The following SLC10A7 variants were observed in gnomAD, a reference collection of about 807,000 sequenced individuals.
SLC10A7 encodes the protein solute carrier family 10 member 7, also known as sodium/bile acid cotransporter 7.
A neutral mutation model predicts 43.2 loss-of-function variants in SLC10A7; 29 were observed. That is an observed-to-expected ratio of 0.67 (90% CI 0.50 to 0.92). SLC10A7 has a LOEUF of 0.92. SLC10A7 is among the 40% of genes least tolerant of loss of function. SLC10A7 has a pLI of 0.00. For missense variants in SLC10A7, 295 were observed against 403.2 expected (o/e 0.73, Z 2.30); for synonymous variants, 152 against 144.8 (o/e 1.05, Z -0.35).
intron 6 of SLC10A7, among the ~76,000 whole-genome samples, chr4:146,322,829 A>G (rs1390006929): frequency 1.3e-5 from 2 of 152,096 alleles, no homozygotes; most frequent in Non-Finnish European, 2.9e-5. Context: ...CTAGTTTACC[A>G]TCCCACCAAC....
intron 2 of SLC10A7, chr4:146,513,879 T>C (rs907651214): frequency 2.6e-5 from 4 of 152,232 alleles, no homozygotes; most frequent in African/African-American, 9.6e-5. Context: ...ATAAATGCCA[T>C]CATGAATAAT....
At chr4:146,483,065 G>T (rs1284048660) in intron 4 of SLC10A7, among the ~76,000 whole-genome samples, 1 of 152,140 alleles carries the variant, frequency 6.6e-6, no homozygotes, top group Non-Finnish European at 1.5e-5. Context: ...TTACCACTAG[G>T]CCTGTCTTAC....
At chr4:146,335,250 G>GAAAAAAAA (rs772547279) in intron 5 of SLC10A7, among the ~76,000 whole-genome samples, 1,052 of 70,478 alleles carry the variant, frequency 0.015, 46 homozygotes, top group Middle Eastern at 0.051. Context: ...CACAGATGTT[G>GAAAAAAAA]TAAAAAAAAA....
At chr4:146,290,666 C>A (rs1395870593) in intron 9 of SLC10A7, among the ~76,000 whole-genome samples, 1 of 152,034 alleles carries the variant, frequency 6.6e-6, no homozygotes, top group African/African-American at 2.4e-5. Flanking sequence ...TTAAGACCAG[C>A]CTGGGCAACA....
chr4:146,366,142 A>C (rs1736375609), intron 5 of SLC10A7, among the ~76,000 whole-genome samples: 1 of 152,218 alleles, frequency 6.6e-6, no homozygotes, highest in Non-Finnish European at 1.5e-5. Context: ...AAACCGGTCT[A>C]ACTGGTGCCA....
intron 4 of SLC10A7, among the ~76,000 whole-genome samples, chr4:146,456,474 T>C (rs1186302816): frequency 6.6e-6 from 1 of 151,972 alleles, no homozygotes; most frequent in East Asian, 1.9e-4. Context: ...GTCCACAGGC[T>C]ATCCACACTT....
intron 9 of SLC10A7, among the ~76,000 whole-genome samples, chr4:146,292,652 T>G (rs1458534616): frequency 1.3e-5 from 2 of 152,168 alleles, no homozygotes; most frequent in Non-Finnish European, 2.9e-5. Context: ...GGTTTGCACC[T>G]GAAAATCATC....
Position 146,398,925 on chromosome 4 carries a change from CG to C in SLC10A7, c.435+43857del, listed in dbSNP as rs1409757159. Among the ~76,000 whole-genome samples the C allele has an allele frequency of 7.2e-5, 11 of 152,202 alleles. No homozygotes were observed. In the East Asian group the frequency reaches 2.1e-3, roughly 29 times the overall value. On this transcript the variant is annotated intron_variant, in intron 5 of 11. Transcript: ENST00000335472. ...AGGCACTGTGTAAGCAGCAGGAGAA[CG>C]GGAGTGAAAAAGGCAGACAAGGACC...
intron 5 of SLC10A7, among the ~76,000 whole-genome samples, chr4:146,436,686 CTT>C (rs1348465776): frequency 6.6e-6 from 1 of 152,054 alleles, no homozygotes; most frequent in African/African-American, 2.4e-5. Flanking sequence ...TTTCAACTCT[CTT>C]TCAATCCTTT....
intron 5 of SLC10A7, among the ~76,000 whole-genome samples, chr4:146,402,391 A>G (rs1015984225): frequency 1.3e-5 from 2 of 152,030 alleles, no homozygotes; most frequent in Non-Finnish European, 2.9e-5. Context: ...TACCTCCTGC[A>G]TGTAACCAAT....
At chr4:146,347,780 CAGT>C (rs1396725265) in intron 5 of SLC10A7, among the ~76,000 whole-genome samples, 1 of 152,124 alleles carries the variant, frequency 6.6e-6, no homozygotes, top group Non-Finnish European at 1.5e-5. Flanking sequence ...ACAGCTACAG[CAGT>C]AGCCAGTGTC....
chr4:146,403,561 C>A (rs1390088117), intron 5 of SLC10A7, among the ~76,000 whole-genome samples: 1 of 152,142 alleles, frequency 6.6e-6, no homozygotes, highest in Non-Finnish European at 1.5e-5. Flanking sequence ...ATTTCATATA[C>A]CTGCATGTAT....
At chr4:146,370,263 T>C (rs563578085) in intron 5 of SLC10A7, among the ~76,000 whole-genome samples, 222 of 152,266 alleles carry the variant, frequency 1.5e-3, no homozygotes, top group Non-Finnish European at 2.5e-3. Flanking sequence ...ACTTGACCAT[T>C]CTCTTCGGAA....
intron 5 of SLC10A7, among the ~76,000 whole-genome samples, chr4:146,351,628 C>T (rs531116704): frequency 1.3e-5 from 2 of 151,930 alleles, no homozygotes; most frequent in Admixed American, 1.3e-4. Flanking sequence ...TTAAGGGCAG[C>T]CAGAGAGGAA....
chr4:146,381,607 CCACTCTG>C (rs1364422032), intron 5 of SLC10A7, among the ~76,000 whole-genome samples: 1 of 152,142 alleles, frequency 6.6e-6, no homozygotes, highest in African/African-American at 2.4e-5. Context: ...TTGCTCTCAT[CCACTCTG>C]CACTCTGTCA....
At chr4:146,256,570 G>A in intron 11 of SLC10A7, 50 bp from the exon 12 acceptor site, 2 of 1,595,040 alleles carry the variant, frequency 1.3e-6, no homozygotes, top group Non-Finnish European at 1.7e-6. Flanking sequence ...CATGAGGAAA[G>A]TGAAAGCATC....
At chr4:146,479,499 A>C (rs1284908661) in intron 4 of SLC10A7, among the ~76,000 whole-genome samples, 1 of 152,178 alleles carries the variant, frequency 6.6e-6, no homozygotes, top group African/African-American at 2.4e-5. Flanking sequence ...TTGTGTTACA[A>C]TGGAATAAGC....
chr4:146,316,675 A>C (rs1325469004), intron 6 of SLC10A7, among the ~76,000 whole-genome samples: 1 of 152,078 alleles, frequency 6.6e-6, no homozygotes, highest in Non-Finnish European at 1.5e-5. Context: ...GTGATACTTC[A>C]GGGAAAGTTT....
intron 5 of SLC10A7, among the ~76,000 whole-genome samples, chr4:146,363,662 C>T (rs1239752588): frequency 1.3e-5 from 2 of 151,986 alleles, no homozygotes; most frequent in Non-Finnish European, 2.9e-5. Context: ...TCTTTTCTGA[C>T]CACAATGGAA....
Sources: allele counts gnomAD v4.1 joint callset (sites outside exome capture counted in the v4.1 genomes callset), GRCh38; gene constraint gnomAD v4.1.1; transcripts MANE v1.5; gene names NCBI Gene and HGNC (gene_info 2026-07-23, HGNC 2026-07-21).